The following ISLR2 variants were observed in gnomAD, a reference collection of about 807,000 sequenced individuals.
ISLR2 encodes the protein immunoglobulin superfamily containing leucine-rich repeat protein 2.
In ISLR2, 16 loss-of-function variants were observed where a neutral mutation model predicts 25.5. That is an observed-to-expected ratio of 0.63 (90% CI 0.43 to 0.95). The LOEUF (loss-of-function observed/expected upper bound fraction) is 0.95, where lower values mean the gene tolerates loss of function less well. Ranked by LOEUF, ISLR2 falls within the 40% of genes least tolerant of loss-of-function variation. The pLI, the probability that ISLR2 is intolerant of heterozygous loss-of-function variation, is 0.00. For missense variants in ISLR2, 883 were observed against 1,030.7 expected (o/e 0.86, Z 1.96); for synonymous variants, 508 against 486.6 (o/e 1.04, Z -0.58).
chr15:74,139,883 T>C (rs1369181812), downstream of ISLR2, among the ~76,000 whole-genome samples: 2 of 150,396 alleles, frequency 1.3e-5, no homozygotes, highest in Non-Finnish European at 3.0e-5. Context: ...TGTGTGTGTG[T>C]GTGTGTGTGT....
chr15:74,134,915 G>T lies in ISLR2; in HGVS notation c.2161G>T (p.Asp721Tyr). The T allele has an allele frequency of 6.2e-7, 1 of 1,613,946 alleles. No individual in the cohort carries two copies. Among genetic ancestry groups the T allele is most frequent in the Non-Finnish European group, 8.5e-7 (1 of 1,179,990 alleles). ...EEFEAGSEYS[D>Y]RLPLGAEAVN... ...GTTCGAGGCGGGCTCTGAGTACAGC[G>T]ATCGGCTGCCCCTGGGCGCCGAGGC... Residue 721 changes from aspartate (D) to tyrosine (Y), a missense_variant, in exon 3 of 3, where the codon GAT becomes TAT. Transcript: ENST00000453268.
At chr15:74,110,184 A>C (rs185188219) in intron 2 of ISLR2, among the ~76,000 whole-genome samples, 5 of 152,394 alleles carry the variant, frequency 3.3e-5, no homozygotes, top group Admixed American at 3.3e-4. Context: ...CTACAGATCT[A>C]TTAGAACAGC....
At chr15:74,129,142 G>A (rs1401087630), upstream of ISLR2, 8 of 441,636 alleles carry the variant, frequency 1.8e-5, no homozygotes, top group Non-Finnish European at 3.6e-5. This position sits in a 1 kb window ranked among gnomAD's most constrained non-coding sequence, Gnocchi z 4.5. Flanking sequence ...GAAGTTCTGT[G>A]TTCTGAACTG....
In ISLR2 at chr15:74,132,219, G is replaced by A. The variant is rs2072436939; in HGVS notation, c.-8-528G>A. ...TTGTGAGCCTCCTAATTGAGCATCA[G>A]GTCCTCTAAACCCCTGCAGAAGTTG... On this transcript the variant is annotated intron_variant, in intron 2 of 2. Coordinates refer to ENST00000453268, the MANE Select transcript of ISLR2 (RefSeq NM_020851.3). This position sits in a 1 kb window ranked among gnomAD's most constrained non-coding sequence, Gnocchi z 4.3. 6.6e-6 allele frequency among the ~76,000 whole-genome samples: 1 copy of A among 152,202 alleles called. No homozygotes were observed. Among genetic ancestry groups the A allele is most frequent in the Non-Finnish European group, 1.5e-5 (1 of 68,032 alleles).
chr15:74,130,413 T>A (rs2072383171), upstream of ISLR2: 1 of 151,906 alleles, frequency 6.6e-6, no homozygotes, highest in Admixed American at 6.6e-5. Context: ...GCTCAGCGGG[T>A]CCCGCTCGAA....
chr15:74,119,036 G>A (rs1320079098), intron 2 of ISLR2, among the ~76,000 whole-genome samples: 2 of 152,228 alleles, frequency 1.3e-5, no homozygotes, highest in African/African-American at 4.8e-5. Context: ...TATGTACAAT[G>A]TGTAATGATC....
At chr15:74,121,308 A>G (rs144128479) in intron 2 of ISLR2, among the ~76,000 whole-genome samples, 1 of 152,250 alleles carries the variant, frequency 6.6e-6, no homozygotes, top group African/African-American at 2.4e-5. Flanking sequence ...GTCTGGAGAT[A>G]AGGACGCAGG....
At position 74,134,242 on chromosome 15, in the gene ISLR2, C is replaced by G. The variant is rs1368537698; in HGVS notation, c.1488C>G (p.Arg496=). 3 of 1,588,754 alleles carry G rather than the reference C, an allele frequency of 1.9e-6. No homozygotes were observed. The highest frequency in any genetic ancestry group is 2.6e-6 in the Non-Finnish European group (3 of 1,167,864). ...LGVIALDVAE[R]EARVQLTPLA... Reference sequence around the variant, plus strand: ...TCATCGCGCTGGATGTGGCGGAGCGCGAGGCGCGGGTGCAGCTGACTCCGC... The same window carrying G: ...TCATCGCGCTGGATGTGGCGGAGCGGGAGGCGCGGGTGCAGCTGACTCCGC... Residue 496 remains arginine, a synonymous_variant, in exon 3 of 3, where the codon CGC becomes CGG. Coordinates refer to ENST00000453268, the MANE Select transcript of ISLR2 (RefSeq NM_020851.3).
chr15:74,108,511 A>G (rs1227218064), intron 2 of ISLR2, among the ~76,000 whole-genome samples: 1 of 151,864 alleles, frequency 6.6e-6, no homozygotes, highest in African/African-American at 2.4e-5. Context: ...CGCAGCCCTC[A>G]AGAATCTGGC....
intron 2 of ISLR2, among the ~76,000 whole-genome samples, chr15:74,110,353 G>A (rs1457773270): frequency 6.6e-6 from 1 of 152,136 alleles, no homozygotes; most frequent in Non-Finnish European, 1.5e-5. Context: ...CCTAGCAATT[G>A]CTTCTGGGCA....
chr15:74,114,457 TAAGA>T (rs2072194953), intron 2 of ISLR2, among the ~76,000 whole-genome samples: 1 of 151,944 alleles, frequency 6.6e-6, no homozygotes, highest in Non-Finnish European at 1.5e-5. Context: ...TCACTGATAA[TAAGA>T]AAGATACAAT....
At chr15:74,118,849 G>A (rs1257820257) in intron 2 of ISLR2, among the ~76,000 whole-genome samples, 3 of 151,938 alleles carry the variant, frequency 2.0e-5, no homozygotes, top group Non-Finnish European at 4.4e-5. Context: ...AGTAGAGACG[G>A]GGTTTCACTG....
intron 1 of ISLR2, 165 bp from the exon 2 acceptor site, chr15:74,131,042 C>G (rs960320245): frequency 1.3e-5 from 2 of 152,426 alleles, no homozygotes; most frequent in African/African-American, 4.8e-5. Context: ...AGGCTATGCG[C>G]GTCCCCGCCA....
chr15:74,113,224 T>G (rs1176808702), intron 2 of ISLR2, among the ~76,000 whole-genome samples: 1 of 152,224 alleles, frequency 6.6e-6, no homozygotes, highest in African/African-American at 2.4e-5. Context: ...ACCACTCACT[T>G]CCTGCTGCGC....
At chr15:74,139,641 C>T (rs980158425), downstream of ISLR2, among the ~76,000 whole-genome samples, 2 of 152,188 alleles carry the variant, frequency 1.3e-5, no homozygotes, top group African/African-American at 4.8e-5. Flanking sequence ...ACCCCTCAGG[C>T]CTGACTGCCA....
chr15:74,139,458 A>C (rs2072599100), downstream of ISLR2, among the ~76,000 whole-genome samples: 1 of 151,864 alleles, frequency 6.6e-6, no homozygotes, highest in Non-Finnish European at 1.5e-5. Flanking sequence ...TCTTTTTTGA[A>C]TTGTTCCAGT....
upstream of ISLR2, chr15:74,128,435 C>G (rs1237011246): frequency 4.4e-6 from 2 of 456,372 alleles, no homozygotes; most frequent in Non-Finnish European, 8.8e-6. Flanking sequence ...TTAACCACCC[C>G]AGGAGCCCCG....
chr15:74,137,757 T>C (rs1419331163), downstream of ISLR2, among the ~76,000 whole-genome samples: 1 of 152,072 alleles, frequency 6.6e-6, no homozygotes, highest in Non-Finnish European at 1.5e-5. Context: ...TCCAATTTCT[T>C]GTCCTCTTTT....
At chr15:74,105,609 A>G (rs1310709444) in intron 2 of ISLR2, among the ~76,000 whole-genome samples, 1 of 142,398 alleles carries the variant, frequency 7.0e-6, no homozygotes. Flanking sequence ...CACTGATAGG[A>G]TATCCTGTCA....
Sources: allele counts gnomAD v4.1 joint callset (sites outside exome capture counted in the v4.1 genomes callset), GRCh38; gene constraint gnomAD v4.1.1; non-coding constraint Gnocchi (gnomAD v3.1); transcripts MANE v1.5; gene names NCBI Gene and HGNC (gene_info 2026-07-23, HGNC 2026-07-21).